Variants in CDS1 observed in about 807,000 individuals in gnomAD.
CDS1 encodes the protein CDP-diacylglycerol synthase 1.
Under a neutral mutation model 62.1 loss-of-function variants are expected in CDS1, and 41 were observed. The observed-to-expected ratio is 0.66, with a 90% CI of 0.51 to 0.86. The LOEUF (loss-of-function observed/expected upper bound fraction) is 0.86. Among genes scored for constraint, CDS1 ranks in the 40% least tolerant of loss-of-function variants. The pLI, the probability that CDS1 is intolerant of heterozygous loss-of-function variation, is 0.00. For synonymous variants in CDS1, 185 were observed against 192.6 expected (o/e 0.96, Z 0.32); for missense variants, 470 against 550.1 (o/e 0.85, Z 1.46).
intron 3 of CDS1, among the ~76,000 whole-genome samples, chr4:84,610,337 G>A (rs1470955808): frequency 2.6e-5 from 4 of 152,054 alleles, no homozygotes; most frequent in East Asian, 1.9e-4. Context: ...GAGAGGATGC[G>A]GTCCATTGGA....
At chr4:84,585,981 G>C (rs1406515213) in intron 1 of CDS1, among the ~76,000 whole-genome samples, 1 of 152,160 alleles carries the variant, frequency 6.6e-6, no homozygotes, top group African/African-American at 2.4e-5. Context: ...CAGTGGATGA[G>C]GATTGAGCTG....
intron 1 of CDS1, among the ~76,000 whole-genome samples, chr4:84,588,605 A>T (rs1722487724): frequency 6.6e-6 from 1 of 151,932 alleles, no homozygotes; most frequent in South Asian, 2.1e-4. Context: ...GGTGCTGCTG[A>T]TTGGTTGGGG....
At chr4:84,596,445 G>A (rs962819533) in intron 1 of CDS1, among the ~76,000 whole-genome samples, 2 of 152,154 alleles carry the variant, frequency 1.3e-5, no homozygotes, top group African/African-American at 4.8e-5. Flanking sequence ...CTAACAGCAT[G>A]CCTTGGCTGG....
chr4:84,645,458 TAG>T (rs1724530079), intron 12 of CDS1, 133 bp downstream of exon 12: 5 of 616,250 alleles, frequency 8.1e-6, no homozygotes, highest in Non-Finnish European at 1.1e-5. Context: ...CCCCTGGAAT[TAG>T]AGTCTTGAGC....
intron 12 of CDS1, among the ~76,000 whole-genome samples, chr4:84,647,101 T>C (rs1383176923): frequency 2.0e-5 from 3 of 152,178 alleles, no homozygotes; most frequent in Non-Finnish European, 4.4e-5. Flanking sequence ...AGTGTTTGCA[T>C]GTTATTTCTT....
intron 3 of CDS1, among the ~76,000 whole-genome samples, chr4:84,612,143 C>G (rs1440721972): frequency 2.0e-5 from 3 of 151,356 alleles, no homozygotes; most frequent in African/African-American, 7.3e-5. Context: ...GCTCACGGTG[C>G]TTCCTCGGTG....
rs891401075 is a variant in CDS1, at chr4:84,638,920, T to G, written c.811-4T>G. 6.6e-7 allele frequency: 1 copy of G among 1,505,806 alleles called. No individual in the cohort carries two copies. The highest frequency in any genetic ancestry group is 1.4e-5 in the South Asian group (1 of 74,038). 93.3% of individuals were successfully genotyped at this position (1,505,806 alleles called of 1,614,324 possible). ...GCTTTTTAATTTTATTTGCCCTTTT[T>G]TAGTTGTCTCCTAAAAAGACTTGGG... On this transcript the variant is annotated splice_polypyrimidine_tract_variant and splice_region_variant and intron_variant, in intron 8 of 12. Transcript: ENST00000295887.
chr4:84,603,833 C>T (rs978136057), intron 1 of CDS1, among the ~76,000 whole-genome samples: 17 of 152,232 alleles, frequency 1.1e-4, no homozygotes, highest in African/African-American at 2.6e-4. Flanking sequence ...TGAAATGCTA[C>T]GCTCGTGTAA....
chr4:84,613,463 A>C (rs1222892667), intron 3 of CDS1, among the ~76,000 whole-genome samples: 1 of 152,164 alleles, frequency 6.6e-6, no homozygotes, highest in Non-Finnish European at 1.5e-5. Flanking sequence ...ACAAAAAATT[A>C]GCTGGATGTG....
intron 9 of CDS1, among the ~76,000 whole-genome samples, chr4:84,639,766 T>C (rs1480786855): frequency 6.6e-6 from 1 of 152,148 alleles, no homozygotes; most frequent in East Asian, 1.9e-4. Flanking sequence ...AAATATGCCA[T>C]GATCCTGGAA....
intron 5 of CDS1, among the ~76,000 whole-genome samples, chr4:84,622,324 C>T (rs887580541): frequency 1.3e-5 from 2 of 152,062 alleles, no homozygotes; most frequent in African/African-American, 4.8e-5. Flanking sequence ...TGCGGTGGCT[C>T]ACACCTGTAA....
intron 5 of CDS1, among the ~76,000 whole-genome samples, chr4:84,620,048 A>T (rs1723630310): frequency 6.6e-6 from 1 of 151,024 alleles, no homozygotes; most frequent in African/African-American, 2.4e-5. Flanking sequence ...AAAAGAAAGA[A>T]TCACTCCATA....
intron 12 of CDS1, among the ~76,000 whole-genome samples, chr4:84,646,644 TCTATGA>T (rs1724565734): frequency 6.6e-6 from 1 of 152,146 alleles, no homozygotes; most frequent in African/African-American, 2.4e-5. Flanking sequence ...GAAAACATAC[TCTATGA>T]TTTGAGTATT....
rs139700399 is a variant in CDS1, at chr4:84,617,640, C to G, written c.419C>G (p.Pro140Arg). 2.6e-6 allele frequency: 4 copies of G among 1,548,474 alleles called. No individual in the cohort carries two copies. In the Admixed American group the frequency reaches 5.1e-5, roughly 20 times the overall value. The change falls in exon 4 of 13, where the codon CCA (proline) becomes CGA (arginine). Residue 140 changes from proline (P) to arginine (R), a missense_variant. Transcript: ENST00000295887. ...AGAGTCTATCATTCTTATGATCTACCATGGTTTAGAACACTAAGTTGGTAA... is the reference window on the plus strand; with the variant it reads ...AGAGTCTATCATTCTTATGATCTACGATGGTTTAGAACACTAAGTTGGTAA... ...GYRVYHSYDL[P>R]WFRTLSWYFL...
At chr4:84,627,996 G>A (rs1345066519) in intron 5 of CDS1, among the ~76,000 whole-genome samples, 1 of 152,152 alleles carries the variant, frequency 6.6e-6, no homozygotes, top group Non-Finnish European at 1.5e-5. Context: ...TGATTGGTTT[G>A]TATGGTAATC....
At chr4:84,631,791 C>A in intron 5 of CDS1, 28 bp from the exon 6 acceptor site, 1 of 1,594,810 alleles carries the variant, frequency 6.3e-7, no homozygotes, top group Non-Finnish European at 8.6e-7. Flanking sequence ...AATTGTACAA[C>A]GAGCACATGT....
intron 1 of CDS1, among the ~76,000 whole-genome samples, chr4:84,586,855 C>T (rs1424160518): frequency 6.6e-6 from 1 of 152,060 alleles, no homozygotes; most frequent in Non-Finnish European, 1.5e-5. Flanking sequence ...AGGATGGCAA[C>T]TAGAGAGACA....
intron 1 of CDS1, among the ~76,000 whole-genome samples, chr4:84,590,394 G>A (rs371469375): frequency 3.9e-5 from 6 of 152,254 alleles, no homozygotes; most frequent in African/African-American, 1.2e-4. Flanking sequence ...AGCTATGTGC[G>A]GGTTAGGAAT....
At chr4:84,587,779 C>G (rs1270195784) in intron 1 of CDS1, among the ~76,000 whole-genome samples, 1 of 152,108 alleles carries the variant, frequency 6.6e-6, no homozygotes, top group Non-Finnish European at 1.5e-5. Context: ...TACCTGAACC[C>G]CAAGAGGCTC....
Sources: allele counts gnomAD v4.1 joint callset (sites outside exome capture counted in the v4.1 genomes callset), GRCh38; gene constraint gnomAD v4.1.1; transcripts MANE v1.5; gene names NCBI Gene and HGNC (gene_info 2026-07-23, HGNC 2026-07-21).